Variants in USP18 observed in about 807,000 individuals in gnomAD.
USP18 encodes ubl carboxyl-terminal hydrolase 18.
In USP18, 11 loss-of-function variants were observed where a neutral mutation model predicts 48.7. The ratio of observed to expected loss-of-function variants is 0.23; its 90% CI spans 0.14 to 0.37. The LOEUF (loss-of-function observed/expected upper bound fraction) is 0.37. Ranked by LOEUF, USP18 falls within the 10% of genes least tolerant of loss-of-function variation. The pLI is 1.00. For synonymous variants in USP18, 114 were observed against 163.2 expected (o/e 0.70, Z 2.30); for missense variants, 285 against 436.4 (o/e 0.65, Z 3.09).
chr22:18,161,888 T>C lies in USP18; in HGVS notation c.353T>C (p.Val118Ala). 1 of 1,614,066 alleles carries C rather than the reference T, an allele frequency of 6.2e-7. No homozygotes were observed. The highest frequency in any genetic ancestry group is 8.5e-7 in the Non-Finnish European group (1 of 1,179,978). ...EKMQDSRQKA[V>A]RPLELAYCLQ... ...ATGCAGGACAGCCGGCAGAAAGCAG[T>C]GCGGCCCCTGGAGCTGGCCTACTGC... Residue 118 changes from valine to alanine, a missense_variant, in exon 4 of 11, where the codon GTG becomes GCG. By Grantham distance (64) the Val-to-Ala change is moderately conservative. Transcript: ENST00000215794.
At chr22:18,169,689 G>A (rs1394636414) in intron 6 of USP18, among the ~76,000 whole-genome samples, 155 bp from the exon 7 acceptor site, 2 of 152,156 alleles carry the variant, frequency 1.3e-5, no homozygotes, top group African/African-American at 2.4e-5. Flanking sequence ...CCATGCTTCC[G>A]GTTGGCCTGC....
intron 4 of USP18, among the ~76,000 whole-genome samples, chr22:18,163,591 C>T (rs949851301): frequency 2.0e-5 from 3 of 150,216 alleles, no homozygotes; most frequent in African/African-American, 4.9e-5. Flanking sequence ...TGCAGTGAGC[C>T]GAGATTGCGC....
intron 10 of USP18, among the ~76,000 whole-genome samples, chr22:18,175,988 AAAAT>A (rs1281859901): frequency 7.7e-6 from 1 of 129,540 alleles, no homozygotes; most frequent in African/African-American, 3.2e-5. Flanking sequence ...GTCTCGTCAA[AAAAT>A]AAACAAAAGG....
rs143728014 is a variant in USP18, at chr22:18,167,944, G to A, written c.535G>A (p.Val179Ile). 76 of 1,613,740 alleles carry A rather than the reference G, an allele frequency of 4.7e-5. 2 individuals are homozygous for A. Among genetic ancestry groups the A allele is most frequent in the South Asian group, 2.2e-4 (20 of 91,074 alleles). The stretch of plus-strand genomic sequence containing the variant: ...CCGGGTGAAGGACTCCTTGATTTGC[G>A]TTGACTGTGCCATGGAGAGTAGCAG... Reference protein sequence around the residue: ...TIRVKDSLICVDCAMESSRNS... With the variant: ...TIRVKDSLICIDCAMESSRNS... The change falls in exon 6 of 11, where the codon GTT (valine) becomes ATT (isoleucine). Residue 179 changes from valine to isoleucine, a missense_variant. Coordinates refer to ENST00000215794, the MANE Select transcript of USP18 (RefSeq NM_017414.4).
intron 4 of USP18, among the ~76,000 whole-genome samples, chr22:18,163,299 T>C (rs1351316283): frequency 1.3e-5 from 2 of 152,110 alleles, no homozygotes; most frequent in Non-Finnish European, 2.9e-5. Flanking sequence ...ATTTCTCTGT[T>C]TCTTCATTGT....
intron 3 of USP18, among the ~76,000 whole-genome samples, chr22:18,160,580 G>T (rs1223432947): frequency 6.6e-6 from 1 of 152,094 alleles, no homozygotes; most frequent in Non-Finnish European, 1.5e-5. Flanking sequence ...GGAATTATAG[G>T]CGTAAGCCAC....
rs1928982097 is a variant in USP18 at position 18,150,932 on chromosome 22, CAG to C, written c.-107+713_-107+714del. Among the ~76,000 whole-genome samples, 4 of 152,346 alleles carry C rather than the reference CAG, an allele frequency of 2.6e-5. No homozygotes were observed. In the South Asian group the frequency reaches 8.3e-4, roughly 32 times the overall value. On this transcript the variant is annotated intron_variant, in intron 1 of 10. Coordinates refer to ENST00000215794, the MANE Select transcript of USP18 (RefSeq NM_017414.4). ...CACCGTTGCACTCCAGCCTGGGCGA[CAG>C]AGCGAAACTGTCTCAAACAAACAAA...
At chr22:18,163,108 T>C (rs550333981) in intron 4 of USP18, among the ~76,000 whole-genome samples, 7 of 152,114 alleles carry the variant, frequency 4.6e-5, no homozygotes, top group African/African-American at 1.7e-4. Context: ...AGCTCTGTTA[T>C]TTCTTTTGAA....
In USP18 at chr22:18,156,684, G is replaced by A. The variant is rs896852132; in HGVS notation, c.-106-874G>A. Among the ~76,000 whole-genome samples the A allele has an allele frequency of 5.9e-5, 9 of 152,326 alleles. No homozygotes were observed. In the East Asian group the frequency reaches 1.7e-3, roughly 29 times the overall value. On this transcript the variant is annotated intron_variant, in intron 1 of 10. Coordinates refer to ENST00000215794, the MANE Select transcript of USP18 (RefSeq NM_017414.4). ...AGGAGCTGTAACACTCACCGCGAAGGTCTGCAGCTTCACTCCTGAGCTAGC... is the reference window on the plus strand; with the variant it reads ...AGGAGCTGTAACACTCACCGCGAAGATCTGCAGCTTCACTCCTGAGCTAGC...
chr22:18,172,398 G>A (rs1569212970), intron 8 of USP18, among the ~76,000 whole-genome samples: 1 of 152,098 alleles, frequency 6.6e-6, no homozygotes. Flanking sequence ...CAAATATCTG[G>A]TCAACGTTCA....
At chr22:18,175,918 G>A (rs1330366450) in intron 10 of USP18, among the ~76,000 whole-genome samples, 2 of 149,206 alleles carry the variant, frequency 1.3e-5, no homozygotes, top group South Asian at 2.1e-4. Context: ...CCAGGAGCAC[G>A]AGGCTGTGGT....
At chr22:18,166,969 G>A (rs1929491117) in intron 4 of USP18, among the ~76,000 whole-genome samples, 1 of 151,862 alleles carries the variant, frequency 6.6e-6, no homozygotes, top group Non-Finnish European at 1.5e-5. Flanking sequence ...AAACTCCTGA[G>A]TTCAAGCGAT....
At chr22:18,154,028 G>C (rs573739562) in intron 1 of USP18, among the ~76,000 whole-genome samples, 1 of 151,280 alleles carries the variant, frequency 6.6e-6, no homozygotes, top group Non-Finnish European at 1.5e-5. Context: ...GTAAACATGA[G>C]AGTGCAAATA....
chr22:18,171,963 G>T (rs1929639138), intron 8 of USP18, among the ~76,000 whole-genome samples: 1 of 151,748 alleles, frequency 6.6e-6, no homozygotes, highest in Admixed American at 6.6e-5. Context: ...ATTTAAAATT[G>T]TTTTTCACTT....
chr22:18,173,762 C>G, intron 9 of USP18, 31 bp from the exon 10 acceptor site: 1 of 1,605,942 alleles, frequency 6.2e-7, no homozygotes, highest in East Asian at 2.2e-5. Context: ...TGTCAGCTGG[C>G]TGCTTGACCC....
intron 1 of USP18, among the ~76,000 whole-genome samples, chr22:18,152,989 C>T (rs1439831512): frequency 6.6e-6 from 1 of 152,192 alleles, no homozygotes; most frequent in Non-Finnish European, 1.5e-5. Context: ...CTCTTTCTTG[C>T]TGATGGAATT....
At chr22:18,159,461 C>T (rs140123217) in intron 2 of USP18, among the ~76,000 whole-genome samples, 12 of 151,778 alleles carry the variant, frequency 7.9e-5, no homozygotes, top group African/African-American at 2.7e-4. Context: ...GACTTCATGT[C>T]CTTAGTAGCT....
Position 18,160,169 on chromosome 22 carries a change from T to C in USP18, c.158-3T>C. The C allele has an allele frequency of 6.2e-7, 1 of 1,614,004 alleles. No individual in the cohort carries two copies. The highest frequency in any genetic ancestry group is 2.2e-5 in the East Asian group (1 of 44,866). ...TCAGCATTTTTTTCTCTTCCCCTTA[T>C]AGGCCTGGTTGGTTTACACAACATT... On this transcript the variant is annotated splice_region_variant and splice_polypyrimidine_tract_variant and intron_variant, in intron 2 of 10. Transcript: ENST00000215794.
chr22:18,170,989 C>T, intron 8 of USP18, 69 bp downstream of exon 8: 1 of 660,632 alleles, frequency 1.5e-6, no homozygotes, highest in African/African-American at 4.3e-5. Context: ...GTTTTCCCTT[C>T]CTTCACCCCC....
Sources: allele counts gnomAD v4.1 joint callset (sites outside exome capture counted in the v4.1 genomes callset), GRCh38; gene constraint gnomAD v4.1.1; transcripts MANE v1.5; gene names NCBI Gene and HGNC (gene_info 2026-07-23, HGNC 2026-07-21).